Variants in CTTNBP2NL observed in about 807,000 individuals in gnomAD.
CTTNBP2NL encodes the protein CTTNBP2 N-terminal like.
CTTNBP2NL carries 16 observed loss-of-function variants against 32.5 expected under a neutral mutation model. That is an observed-to-expected ratio of 0.49 (90% CI 0.33 to 0.75). CTTNBP2NL has a LOEUF of 0.75. Among genes scored for constraint, CTTNBP2NL ranks in the 30% least tolerant of loss-of-function variants. The probability of loss-of-function intolerance (pLI) is 0.02; values close to 1 mark genes in which losing one functional copy is unlikely to be tolerated. For synonymous variants in CTTNBP2NL, 298 were observed against 289.4 expected (o/e 1.03, Z -0.30); for missense variants, 645 against 756.0 (o/e 0.85, Z 1.72).
chr1:112,456,559 T>TA lies in CTTNBP2NL; in HGVS notation c.1068dup (p.Gln357ThrfsTer41). 6.2e-7 allele frequency: 1 copy of TA among 1,614,116 alleles called. No homozygotes were observed. ...ACCAATGGCCATTGTGACCCAGAGA[T>TA]ACAAACTACCAGGGAGCTGACTGCA... On this transcript the variant is annotated frameshift_variant, in exon 6 of 6. Transcript: ENST00000271277. LOFTEE classifies it low-confidence loss of function (END_TRUNC).
intron 1 of CTTNBP2NL, among the ~76,000 whole-genome samples, chr1:112,410,317 G>T (rs1570717862): frequency 6.6e-6 from 1 of 151,688 alleles, no homozygotes; most frequent in Non-Finnish European, 1.5e-5. Context: ...GCTTGAACCC[G>T]GGAGGCGAAG....
intron 3 of CTTNBP2NL, among the ~76,000 whole-genome samples, chr1:112,422,641 G>A (rs1383461012): frequency 6.6e-6 from 1 of 152,024 alleles, no homozygotes; most frequent in Non-Finnish European, 1.5e-5. Context: ...ACCAAACTTG[G>A]TATAGCCAAT....
At chr1:112,446,829 C>G (rs1195344520) in intron 3 of CTTNBP2NL, among the ~76,000 whole-genome samples, 1 of 152,154 alleles carries the variant, frequency 6.6e-6, no homozygotes, top group Non-Finnish European at 1.5e-5. Context: ...GGATTACAGA[C>G]ATGAGATGCT....
intron 3 of CTTNBP2NL, among the ~76,000 whole-genome samples, chr1:112,419,159 G>T (rs1014379147): frequency 6.6e-6 from 1 of 152,114 alleles, no homozygotes; most frequent in Non-Finnish European, 1.5e-5. Flanking sequence ...GAACTTTGTT[G>T]TGTTTGGCCA....
At chr1:112,435,965 G>A (rs1295605874) in intron 3 of CTTNBP2NL, among the ~76,000 whole-genome samples, 2 of 151,108 alleles carry the variant, frequency 1.3e-5, no homozygotes, top group African/African-American at 4.9e-5. Context: ...TTTTAGCTAA[G>A]AACCTTTATG....
chr1:112,410,213 A>G (rs1312032921), intron 1 of CTTNBP2NL, among the ~76,000 whole-genome samples: 1 of 152,114 alleles, frequency 6.6e-6, no homozygotes, highest in Non-Finnish European at 1.5e-5. Flanking sequence ...ACCAACATGG[A>G]GAAACCCCAT....
intron 3 of CTTNBP2NL, among the ~76,000 whole-genome samples, chr1:112,424,828 G>A (rs1464734920): frequency 6.6e-6 from 1 of 151,568 alleles, no homozygotes; most frequent in Non-Finnish European, 1.5e-5. Flanking sequence ...GGTTTGGTTT[G>A]TTTTTTTGAG....
chr1:112,447,338 A>G (rs918958446), intron 3 of CTTNBP2NL, among the ~76,000 whole-genome samples: 2 of 148,680 alleles, frequency 1.3e-5, no homozygotes, highest in African/African-American at 5.0e-5. Flanking sequence ...TACCTCCCCC[A>G]CTTTTAATTC....
At position 112,457,634 on chromosome 1, in the gene CTTNBP2NL, A is replaced by G; in HGVS notation, c.*222A>G. The G allele has an allele frequency of 2.1e-6, 1 of 484,850 alleles. No individual in the cohort carries two copies. The highest frequency in any genetic ancestry group is 3.6e-6 in the Non-Finnish European group (1 of 276,038). The allele number at this position is 484,850 out of a possible 1,614,324, so 30.0% of individuals were successfully genotyped here. A position where few individuals can be genotyped will look rare whatever the true frequency, so the allele number is the denominator to read the frequency against. Reference sequence around the variant, plus strand: ...TACTGAAGCCAGAAAGGCACCTCAAAGATGTCTCAAGCTCAGCAGTCACCG... The same window carrying G: ...TACTGAAGCCAGAAAGGCACCTCAAGGATGTCTCAAGCTCAGCAGTCACCG... On this transcript the variant is annotated 3_prime_UTR_variant, in exon 6 of 6. Coordinates refer to ENST00000271277, the MANE Select transcript of CTTNBP2NL (RefSeq NM_018704.3).
chr1:112,415,717 C>T (rs989093112), intron 2 of CTTNBP2NL: 24 of 180,730 alleles, frequency 1.3e-4, no homozygotes, highest in Middle Eastern at 2.5e-3. Context: ...CCACCATGCC[C>T]GGCTAATGTT....
At chr1:112,428,073 TTATATA>T (rs980514197) in intron 3 of CTTNBP2NL, among the ~76,000 whole-genome samples, 2 of 151,744 alleles carry the variant, frequency 1.3e-5, no homozygotes, top group Non-Finnish European at 2.9e-5. Flanking sequence ...TTATAAGCAT[TTATATA>T]TATATGTATC....
In CTTNBP2NL at chr1:112,456,098, G is replaced by C. The variant is rs1333329784; in HGVS notation, c.606G>C (p.Glu202Asp). The change falls in exon 6 of 6, where the codon GAG becomes GAC. Residue 202 changes from glutamate to aspartate, a missense_variant. By Grantham distance (45) the Glu-to-Asp change is conservative (BLOSUM62 2). Transcript: ENST00000271277. ...KAAEEGQKAG[E>D]LSLKLEKEKS... Reference sequence around the variant, plus strand: ...CCGAGGAAGGACAGAAGGCAGGAGAGCTGAGCCTGAAATTGGAGAAGGAGA... The same window carrying C: ...CCGAGGAAGGACAGAAGGCAGGAGACCTGAGCCTGAAATTGGAGAAGGAGA... 6.2e-7 allele frequency: 1 copy of C among 1,614,182 alleles called. No individual in the cohort carries two copies. Among genetic ancestry groups the C allele is most frequent in the Admixed American group, 1.7e-5 (1 of 60,018 alleles).
intron 4 of CTTNBP2NL, among the ~76,000 whole-genome samples, chr1:112,453,714 A>G (rs1378514303): frequency 6.6e-6 from 1 of 152,152 alleles, no homozygotes; most frequent in Non-Finnish European, 1.5e-5. Context: ...TGATTGCACT[A>G]CTACAGTCCA....
chr1:112,441,344 A>G (rs1281495888), intron 3 of CTTNBP2NL, among the ~76,000 whole-genome samples: 1 of 152,120 alleles, frequency 6.6e-6, no homozygotes, highest in Non-Finnish European at 1.5e-5. Context: ...GTTCAGTATG[A>G]TGTTCAGGTT....
chr1:112,431,727 T>C (rs1438468904), intron 3 of CTTNBP2NL, among the ~76,000 whole-genome samples: 2 of 152,174 alleles, frequency 1.3e-5, no homozygotes, highest in Non-Finnish European at 2.9e-5. Context: ...GAAAGAAAGC[T>C]ATGTACTGAC....
intron 1 of CTTNBP2NL, among the ~76,000 whole-genome samples, chr1:112,400,387 G>A (rs886574378): frequency 6.6e-6 from 1 of 152,138 alleles, no homozygotes; most frequent in African/African-American, 2.4e-5. Flanking sequence ...TAGGCCAGGT[G>A]CGGAGGCTCA....
At chr1:112,451,641 G>A (rs1300994625) in intron 4 of CTTNBP2NL, among the ~76,000 whole-genome samples, 2 of 151,184 alleles carry the variant, frequency 1.3e-5, no homozygotes, top group Non-Finnish European at 1.5e-5. Context: ...GCATGGTGGC[G>A]TTCCTGTAAT....
intron 3 of CTTNBP2NL, among the ~76,000 whole-genome samples, chr1:112,436,668 T>A (rs1042225716): frequency 7.3e-6 from 1 of 136,488 alleles, no homozygotes; most frequent in African/African-American, 2.7e-5. Context: ...TTTTTTTTTT[T>A]AACTTTTATT....
At chr1:112,413,911 G>T (rs1344098349) in intron 2 of CTTNBP2NL, among the ~76,000 whole-genome samples, 1 of 151,828 alleles carries the variant, frequency 6.6e-6, no homozygotes, top group Non-Finnish European at 1.5e-5. Flanking sequence ...AGCTGGGCAT[G>T]ATGGCATGTG....
Sources: gnomAD v4.1 joint callset for allele counts (sites outside exome capture counted in the v4.1 genomes callset) on GRCh38, gnomAD v4.1.1 for gene constraint, MANE v1.5 for transcripts, NCBI Gene and HGNC (gene_info 2026-07-23, HGNC 2026-07-21) for gene names.